DYNLL1: variants seen among roughly 807,000 people sequenced by gnomAD.
DYNLL1 encodes the protein dynein light chain LC8-type 1, also known as dynein light chain 1, cytoplasmic.
A neutral mutation model predicts 10.1 loss-of-function variants in DYNLL1; 3 were observed. The ratio of observed to expected loss-of-function variants is 0.30; its 90% confidence interval spans 0.14 to 0.77. The LOEUF is 0.77. DYNLL1 is among the 30% of genes least tolerant of loss of function. DYNLL1 has a pLI of 0.66. For synonymous variants in DYNLL1, 46 were observed against 41.2 expected, an observed-to-expected ratio of 1.12 and a Z score of -0.45; for missense variants, 47 against 111.7, an observed-to-expected ratio of 0.42 and a Z score of 2.61.
At chr12:120,490,009 A>G (rs1033788811) in intron 1 of DYNLL1, among the ~76,000 whole-genome samples, 1 of 152,156 alleles carries the variant, frequency 6.6e-6, no homozygotes, top group African/African-American at 2.4e-5. Flanking sequence ...TGGCCTCCCA[A>G]AGTGCTAGGA....
intron 1 of DYNLL1, among the ~76,000 whole-genome samples, chr12:120,471,516 G>C (rs1878650515): frequency 6.6e-6 from 1 of 152,150 alleles, no homozygotes; most frequent in African/African-American, 2.4e-5. Context: ...ATATACTACT[G>C]AGTGTATATC....
intron 1 of DYNLL1, among the ~76,000 whole-genome samples, chr12:120,473,663 C>G (rs1435863837): frequency 6.9e-6 from 1 of 145,526 alleles, no homozygotes. Context: ...CCACTGAACT[C>G]CAGCCTGGTC....
At position 120,498,409 on chromosome 12, in the gene DYNLL1, GTATT is replaced by G. The variant is rs1321112340; in HGVS notation, c.*205_*208del. On this transcript the variant is annotated 3_prime_UTR_variant, in exon 3 of 3. Coordinates refer to ENST00000242577, the MANE Select transcript of DYNLL1 (RefSeq NM_003746.3). ...ACAATTAGCAGAATAGCCTACATTT[GTATT>G]TATTTTCTATTCCATACTTCTGCCC... 3.8e-6 allele frequency: 2 copies of G among 530,510 alleles called. No individual in the cohort carries two copies. The highest frequency in any genetic ancestry group is 4.0e-5 in the African/African-American group (2 of 50,598). 32.9% of individuals were successfully genotyped at this position (530,510 alleles called of 1,614,324 possible).
intron 1 of DYNLL1, among the ~76,000 whole-genome samples, chr12:120,485,307 A>C (rs1354490781): frequency 8.2e-6 from 1 of 121,844 alleles, no homozygotes; most frequent in African/African-American, 3.2e-5. Flanking sequence ...CCCAGGCTGG[A>C]GTGCAGTGGC....
intron 1 of DYNLL1, among the ~76,000 whole-genome samples, chr12:120,479,449 C>CAAAAAAAAAAA (rs71076617): frequency 1.4e-4 from 11 of 76,092 alleles, no homozygotes; most frequent in East Asian, 3.0e-4. Flanking sequence ...ACTCCGTCTC[C>CAAAAAAAAAAA]AAAAAAAAAA....
At chr12:120,486,738 C>T (rs185721598) in intron 1 of DYNLL1, among the ~76,000 whole-genome samples, 92 of 152,158 alleles carry the variant, frequency 6.0e-4, no homozygotes, top group African/African-American at 2.1e-3. Context: ...TCCCAAAGCG[C>T]TAGGATTATA....
intron 1 of DYNLL1, among the ~76,000 whole-genome samples, chr12:120,489,634 T>G (rs1331259500): frequency 6.6e-6 from 1 of 152,216 alleles, no homozygotes; most frequent in Non-Finnish European, 1.5e-5. Flanking sequence ...TCCATCCTCA[T>G]GCAGTAGCCA....
chr12:120,498,349 G>A lies in DYNLL1; in HGVS notation c.*139G>A. The A allele has an allele frequency of 1.9e-6, 2 of 1,048,016 alleles. No homozygotes were observed. Among genetic ancestry groups the A allele is most frequent in the Non-Finnish European group, 2.7e-6 (2 of 751,736 alleles). The allele number at this position is 1,048,016 out of a possible 1,614,324, so 64.9% of individuals were successfully genotyped here. On this transcript the variant is annotated 3_prime_UTR_variant, in exon 3 of 3. Coordinates refer to ENST00000242577, the MANE Select transcript of DYNLL1 (RefSeq NM_003746.3). Reference sequence around the variant, plus strand: ...TTGAACCTTTGTTGTGTTTTGTACAGGGCATTCTCTGTACTAGTTTGTCGT... The same window carrying A: ...TTGAACCTTTGTTGTGTTTTGTACAAGGCATTCTCTGTACTAGTTTGTCGT...
At chr12:120,491,738 G>A (rs11065140), upstream of DYNLL1, 24,891 of 152,146 alleles carry the variant, frequency 0.16, 2,617 homozygotes, top group African/African-American at 0.3. Flanking sequence ...AGGGCCCTGG[G>A]AAAGTCTGAT....
intron 1 of DYNLL1, among the ~76,000 whole-genome samples, chr12:120,481,296 G>A (rs78952692): frequency 5.5e-4 from 84 of 152,096 alleles, no homozygotes; most frequent in Middle Eastern, 3.4e-3. Context: ...ATTCTATTCA[G>A]TTCTGACACT....
chr12:120,488,195 C>T (rs1298990239), intron 1 of DYNLL1: 1 of 152,276 alleles, frequency 6.6e-6, no homozygotes, highest in African/African-American at 2.4e-5. Context: ...TTCTCCCCAC[C>T]CCTACTCCCT....
chr12:120,486,398 C>T (rs1451317852), intron 1 of DYNLL1, among the ~76,000 whole-genome samples: 2 of 152,040 alleles, frequency 1.3e-5, no homozygotes, highest in Admixed American at 1.3e-4. Context: ...CTGCTCTTAC[C>T]GAGAGAGAAA....
intron 1 of DYNLL1, among the ~76,000 whole-genome samples, chr12:120,489,404 T>C (rs1325577557): frequency 6.6e-6 from 1 of 152,252 alleles, no homozygotes; most frequent in Non-Finnish European, 1.5e-5. Flanking sequence ...CTCACAAGTC[T>C]GGAGTCATCC....
chr12:120,494,247 A>AT (rs1879210033), upstream of DYNLL1, among the ~76,000 whole-genome samples: 1 of 151,826 alleles, frequency 6.6e-6, no homozygotes. Context: ...ATTGATATGC[A>AT]TATGTTGAAC....
Position 120,474,470 on chromosome 12 carries a change from C to A in DYNLL1, c.-7+4366C>A, listed in dbSNP as rs114399378. Among the ~76,000 whole-genome samples, 859 of 149,302 alleles carry A rather than the reference C, an allele frequency of 5.8e-3. 7 individuals are homozygous for A. Among genetic ancestry groups the A allele is most frequent in the African/African-American group, 0.021 (836 of 40,484 alleles). ...AAAAAAAAAAAAATCCCAAAACCAACAACAGCTCGGGTGATGAGTGCATGA... is the reference window on the plus strand; with the variant it reads ...AAAAAAAAAAAAATCCCAAAACCAAAAACAGCTCGGGTGATGAGTGCATGA... On this transcript the variant is annotated intron_variant, in intron 1 of 2. Coordinates refer to the DYNLL1 transcript ENST00000392509.
intron 2 of DYNLL1, 138 bp downstream of exon 2, chr12:120,496,691 C>G (rs1868424992): frequency 2.8e-6 from 4 of 1,434,104 alleles, no homozygotes; most frequent in Non-Finnish European, 3.8e-6. Context: ...AGAAAGGACG[C>G]AGATGCATTT....
intron 1 of DYNLL1, among the ~76,000 whole-genome samples, chr12:120,481,188 C>A (rs1878872902): frequency 6.6e-6 from 1 of 152,200 alleles, no homozygotes; most frequent in Non-Finnish European, 1.5e-5. Flanking sequence ...CTATTTCTGA[C>A]ACCAAATGTG....
intron 1 of DYNLL1, among the ~76,000 whole-genome samples, chr12:120,472,148 C>G (rs1878664824): frequency 6.6e-6 from 1 of 151,418 alleles, no homozygotes; most frequent in Non-Finnish European, 1.5e-5. Context: ...TTAATGTATA[C>G]ACATATATAG....
intron 1 of DYNLL1, among the ~76,000 whole-genome samples, chr12:120,484,886 G>A (rs1395578580): frequency 1.3e-5 from 2 of 152,052 alleles, no homozygotes; most frequent in African/African-American, 2.4e-5. Flanking sequence ...CTACAGGCAC[G>A]CAACACTACA....
Sources: gnomAD v4.1 joint callset for allele counts (sites outside exome capture counted in the v4.1 genomes callset) on GRCh38, gnomAD v4.1.1 for gene constraint, MANE v1.5 for transcripts, NCBI Gene and HGNC (gene_info 2026-07-23, HGNC 2026-07-21) for gene names.